MARCHF1: variants seen among roughly 807,000 people sequenced by gnomAD.
MARCHF1 encodes the protein membrane associated ring-CH-type finger 1.
MARCHF1 carries 40 observed loss-of-function variants against 54.2 expected under a neutral mutation model. The observed-to-expected ratio is 0.74, with a 90% CI of 0.57 to 0.96. The LOEUF (loss-of-function observed/expected upper bound fraction) is 0.96, where lower values mean the gene tolerates loss of function less well. MARCHF1 is among the 40% of genes least tolerant of loss of function. MARCHF1 has a pLI of 0.00. For synonymous variants in MARCHF1, 236 were observed against 236.3 expected (o/e 1.00, Z 0.01); for missense variants, 586 against 656.5 (o/e 0.89, Z 1.17).
At chr4:164,087,807 G>GTTTT (rs10706800) in intron 2 of MARCHF1, among the ~76,000 whole-genome samples, 9 of 147,198 alleles carry the variant, frequency 6.1e-5, no homozygotes, top group African/African-American at 2.0e-4. Flanking sequence ...TTTTTTCTGT[G>GTTTT]TTTTTTTTTT....
At chr4:164,081,077 G>A (rs937679793) in intron 2 of MARCHF1, among the ~76,000 whole-genome samples, 19 of 147,294 alleles carry the variant, frequency 1.3e-4, no homozygotes, top group African/African-American at 4.2e-4. Flanking sequence ...GAGCGGTGGC[G>A]GGCTCCTGTA....
At chr4:164,134,054 T>A (rs1756353647) in intron 1 of MARCHF1, among the ~76,000 whole-genome samples, 1 of 152,246 alleles carries the variant, frequency 6.6e-6, no homozygotes, top group Non-Finnish European at 1.5e-5. Context: ...GTTTTCAAAG[T>A]CATTCTCACT....
intron 2 of MARCHF1, among the ~76,000 whole-genome samples, chr4:164,097,892 C>T (rs1030231297): frequency 6.6e-5 from 10 of 152,160 alleles, no homozygotes; most frequent in Admixed American, 2.6e-4. Flanking sequence ...AGGTCATACT[C>T]ATCGCAGTTT....
chr4:163,698,417 T>C (rs1384695164), intron 5 of MARCHF1, among the ~76,000 whole-genome samples: 4 of 152,180 alleles, frequency 2.6e-5, no homozygotes, highest in South Asian at 2.1e-4. Flanking sequence ...ATTCTGAACA[T>C]AAAAGGAAAG....
intron 1 of MARCHF1, among the ~76,000 whole-genome samples, chr4:164,127,052 T>TCAAAACAAAACAAAACAAAA (rs61100715): frequency 0.085 from 12,777 of 150,536 alleles, 755 homozygotes; most frequent in East Asian, 0.27. Context: ...AAACTCCGTC[T>TCAAAACAAAACAAAACAAAA]CAAAACAAAA....
intron 1 of MARCHF1, among the ~76,000 whole-genome samples, chr4:164,116,010 A>G (rs554632124): frequency 8.7e-4 from 133 of 152,230 alleles, no homozygotes; most frequent in Admixed American, 2.2e-3. Flanking sequence ...TTTGGCTATC[A>G]TTGATCTTTT....
chr4:164,197,652 T>C (rs1731317246), intron 1 of MARCHF1: 1 of 1,612,894 alleles, frequency 6.2e-7, no homozygotes, highest in Non-Finnish European at 8.5e-7. Flanking sequence ...GGGCAAGTTC[T>C]TTCACATCAG....
intron 1 of MARCHF1, among the ~76,000 whole-genome samples, chr4:164,335,278 T>A (rs1729700055): frequency 6.6e-6 from 1 of 152,124 alleles, no homozygotes; most frequent in East Asian, 1.9e-4. Context: ...GAGAAAAAAA[T>A]TCATTGTCGT....
chr4:163,903,997 C>T (rs936179702), intron 3 of MARCHF1, among the ~76,000 whole-genome samples: 2 of 152,128 alleles, frequency 1.3e-5, no homozygotes, highest in African/African-American at 4.8e-5. Context: ...GTGCTTAAAA[C>T]AAGTTGGTTC....
chr4:163,854,618 G>T (rs1253436167), intron 3 of MARCHF1, among the ~76,000 whole-genome samples: 2 of 152,102 alleles, frequency 1.3e-5, no homozygotes, highest in Non-Finnish European at 2.9e-5. Context: ...ACAGGCCAGT[G>T]ACAAATATTA....
intron 4 of MARCHF1, among the ~76,000 whole-genome samples, chr4:163,722,761 T>G (rs976640560): frequency 3.3e-5 from 5 of 152,234 alleles, no homozygotes; most frequent in African/African-American, 1.2e-4. Context: ...CTTGTTGAAT[T>G]GATCCCTTTA....
intron 1 of MARCHF1, among the ~76,000 whole-genome samples, chr4:164,119,828 CA>C (rs1220663587): frequency 2.0e-5 from 3 of 151,552 alleles, no homozygotes; most frequent in Non-Finnish European, 4.4e-5. Flanking sequence ...GATCAATTTT[CA>C]AAAAGAAAAT....
chr4:163,879,453 A>G (rs1408019793), intron 3 of MARCHF1, among the ~76,000 whole-genome samples: 1 of 152,246 alleles, frequency 6.6e-6, no homozygotes, highest in Non-Finnish European at 1.5e-5. Flanking sequence ...ATTTTACATT[A>G]TAAACAAAGA....
chr4:163,862,087 G>T (rs967389485), intron 3 of MARCHF1, among the ~76,000 whole-genome samples: 1 of 151,964 alleles, frequency 6.6e-6, no homozygotes, highest in East Asian at 1.9e-4. Context: ...TAAACTTAAA[G>T]GTAAATGCAA....
intron 1 of MARCHF1, among the ~76,000 whole-genome samples, chr4:164,113,115 A>T (rs1049004207): frequency 6.6e-6 from 1 of 151,898 alleles, no homozygotes; most frequent in Non-Finnish European, 1.5e-5. Flanking sequence ...AATAACTTGG[A>T]ACATTCTCTA....
At chr4:164,173,694 C>A (rs1276665863) in intron 1 of MARCHF1, among the ~76,000 whole-genome samples, 1 of 152,158 alleles carries the variant, frequency 6.6e-6, no homozygotes, top group East Asian at 1.9e-4. Flanking sequence ...CTTTCTCTTG[C>A]TCCCTCTCTT....
At position 164,290,034 on chromosome 4, in the gene MARCHF1, T is replaced by TAC. The variant is rs112647598; in HGVS notation, c.-323+93834_-323+93835dup. Among the ~76,000 whole-genome samples the TAC allele has an allele frequency of 7.3e-3, 1,109 of 151,482 alleles. 13 individuals are homozygous for TAC. Among genetic ancestry groups the TAC allele is most frequent in the African/African-American group, 0.025 (1,035 of 41,418 alleles). ...TTTTAAATCCTCCAACACACACACA[T>TAC]ACACACACACAGACACACAATTTCT... On this transcript the variant is annotated intron_variant, in intron 1 of 9. Coordinates refer to ENST00000514618, the MANE Select transcript of MARCHF1 (RefSeq NM_001394959.1).
In MARCHF1 at chr4:163,612,585, GA is replaced by G; in HGVS notation, c.695del (p.Leu232ProfsTer16). ...LIECESCSLN[L>X]HRGKHTRYQE... ...GGTACCTTGTATGTTTTCCTCTGTG[GA>G]GATTTAAAGAGCAACTCTCACATTC... is the stretch of plus-strand genomic sequence containing the variant. On this transcript the variant is annotated frameshift_variant, in exon 7 of 10. Coordinates refer to ENST00000514618, the MANE Select transcript of MARCHF1 (RefSeq NM_001394959.1). LOFTEE classifies it high-confidence loss of function. 1 of 1,535,584 alleles carries G rather than the reference GA, an allele frequency of 6.5e-7. No individual in the cohort carries two copies. Among genetic ancestry groups the G allele is most frequent in the South Asian group, 1.2e-5 (1 of 84,048 alleles).
intron 3 of MARCHF1, among the ~76,000 whole-genome samples, chr4:163,905,766 G>A (rs977349592): frequency 6.6e-6 from 1 of 152,004 alleles, no homozygotes; most frequent in African/African-American, 2.4e-5. Context: ...AATCCTTCAG[G>A]TAGGAAAGTA....
Sources: allele counts gnomAD v4.1 joint callset (sites outside exome capture counted in the v4.1 genomes callset), GRCh38; gene constraint gnomAD v4.1.1; transcripts MANE v1.5; gene names NCBI Gene and HGNC (gene_info 2026-07-23, HGNC 2026-07-21).